The following ITPRID1 variants were observed in gnomAD, a reference collection of about 807,000 sequenced individuals.
ITPRID1 encodes protein ITPRID1.
A neutral mutation model predicts 95.4 loss-of-function variants in ITPRID1; 96 were observed. The ratio of observed to expected loss-of-function variants is 1.01; its 90% confidence interval spans 0.85 to 1.19. The LOEUF (loss-of-function observed/expected upper bound fraction) is 1.19. ITPRID1 is among the 50% of genes most tolerant of loss of function. The pLI is 0.00. For synonymous variants in ITPRID1, 510 were observed against 453.6 expected (o/e 1.12, Z -1.58); for missense variants, 1,339 against 1,252.9 (o/e 1.07, Z -1.04).
chr7:31,542,078 T>C (rs1345346509), intron 1 of ITPRID1, among the ~76,000 whole-genome samples: 1 of 152,294 alleles, frequency 6.6e-6, no homozygotes, highest in East Asian at 1.9e-4. Context: ...TGCCTCCTTA[T>C]AATCTTCTTA....
intron 2 of ITPRID1, chr7:31,551,839 GAAGT>G (rs1488789478): frequency 7.7e-6 from 3 of 390,620 alleles, no homozygotes; most frequent in South Asian, 3.7e-5. Flanking sequence ...AAATGCTACT[GAAGT>G]AAGTGTTTGG....
chr7:31,565,225 A>C (rs1438110025), intron 5 of ITPRID1, among the ~76,000 whole-genome samples: 2 of 152,188 alleles, frequency 1.3e-5, no homozygotes, highest in Admixed American at 6.5e-5. Flanking sequence ...GGACCCTGGG[A>C]GCCCAGAACA....
At chr7:31,517,205 G>GCAGAGAGCTGATTGGTCCATTTTA (rs1262381003) in intron 1 of ITPRID1, among the ~76,000 whole-genome samples, 2 of 152,124 alleles carry the variant, frequency 1.3e-5, no homozygotes, top group Non-Finnish European at 2.9e-5. Context: ...GGTCCATTTT[G>GCAGAGAGCTGATTGGTCCATTTTA]CAGAGAGCTG....
At chr7:31,526,010 A>G (rs1395441489) in intron 1 of ITPRID1, among the ~76,000 whole-genome samples, 2 of 152,186 alleles carry the variant, frequency 1.3e-5, no homozygotes, top group African/African-American at 2.4e-5. Context: ...TGAAAGGAAG[A>G]AAAGCTTACC....
chr7:31,518,461 A>C (rs1365468609), intron 1 of ITPRID1: 1 of 152,386 alleles, frequency 6.6e-6, no homozygotes. Context: ...ATCAGGGTCC[A>C]CGGGGAATAG....
intron 1 of ITPRID1, among the ~76,000 whole-genome samples, chr7:31,522,202 A>T (rs1164210096): frequency 6.6e-6 from 1 of 152,022 alleles, no homozygotes; most frequent in Non-Finnish European, 1.5e-5. Flanking sequence ...AATGGGTCTG[A>T]CTCTACCTAT....
Position 31,519,620 on chromosome 7 carries a change from C to CTCTCTATATATATATA in ITPRID1, c.-98+5501_-98+5502insCTCTATATATATATAT. ...TCTCTCTCTCTCTCTCTCTCTCTCT[C>CTCTCTATATATATATA]TATATATATATATATATATATATAT... On this transcript the variant is annotated intron_variant, in intron 1 of 14. Transcript: ENST00000615280. 1.9e-3 allele frequency among the ~76,000 whole-genome samples: 48 copies of CTCTCTATATATATATA among 25,250 alleles called. 1 individual carries two copies. Among genetic ancestry groups the CTCTCTATATATATATA allele is most frequent in the Non-Finnish European group, 2.8e-3 (38 of 13,716 alleles). The allele number at this position is 25,250 out of a possible 152,430, so 16.6% of individuals were successfully genotyped here.
chr7:31,543,318 T>C (rs1783989393), intron 1 of ITPRID1, among the ~76,000 whole-genome samples: 1 of 152,002 alleles, frequency 6.6e-6, no homozygotes, highest in African/African-American at 2.4e-5. Flanking sequence ...GCACTAAAAG[T>C]GGCAAGACAG....
At chr7:31,578,629 G>A (rs548239381) in intron 9 of ITPRID1, among the ~76,000 whole-genome samples, 195 bp downstream of exon 9, 16 of 152,288 alleles carry the variant, frequency 1.1e-4, no homozygotes, top group African/African-American at 3.8e-4. Context: ...ACCAGCCTCT[G>A]CTTGCTCCAG....
chr7:31,587,609 T>C (rs1785674430), intron 10 of ITPRID1, among the ~76,000 whole-genome samples: 1 of 150,688 alleles, frequency 6.6e-6, no homozygotes, highest in Non-Finnish European at 1.5e-5. Context: ...AAGCTACCAA[T>C]GCCTTTCTTC....
intron 10 of ITPRID1, among the ~76,000 whole-genome samples, chr7:31,610,202 C>G (rs1166503477): frequency 6.6e-6 from 1 of 151,572 alleles, no homozygotes; most frequent in South Asian, 2.1e-4. Flanking sequence ...TATGGTCTAT[C>G]CTGCTTGGAG....
chr7:31,637,583 T>A (rs761442657), intron 10 of ITPRID1, among the ~76,000 whole-genome samples: 4 of 150,376 alleles, frequency 2.7e-5, no homozygotes, highest in Admixed American at 6.6e-5. Context: ...TTGATGGGGT[T>A]GTTTGTTTTT....
chr7:31,561,414 A>T (rs768570677), intron 5 of ITPRID1, among the ~76,000 whole-genome samples: 66 of 151,768 alleles, frequency 4.3e-4, no homozygotes, highest in Non-Finnish European at 2.5e-4. Context: ...TTGTTCTGAG[A>T]CTTCTCCACT....
At chr7:31,592,729 C>T (rs928656319) in intron 10 of ITPRID1, among the ~76,000 whole-genome samples, 5 of 152,126 alleles carry the variant, frequency 3.3e-5, no homozygotes, top group East Asian at 1.9e-4. Context: ...GCCCATTCAC[C>T]GCTCACCTCC....
At position 31,652,918 on chromosome 7, in the gene ITPRID1, G is replaced by T. The variant is rs1791094035; in HGVS notation, c.*89G>T. 1.1e-5 allele frequency: 17 copies of T among 1,535,922 alleles called. No individual in the cohort carries two copies. Among genetic ancestry groups the T allele is most frequent in the Non-Finnish European group, 1.4e-5 (16 of 1,141,908 alleles). On this transcript the variant is annotated 3_prime_UTR_variant, in exon 15 of 15. Coordinates refer to ENST00000615280, the MANE Select transcript of ITPRID1 (RefSeq NM_001257967.3). ...ATTTCAATTTTCCCCAAGGAGAAGGGTCTGCCAACCCATTGTCAGCTATAT... is the reference window on the plus strand; with the variant it reads ...ATTTCAATTTTCCCCAAGGAGAAGGTTCTGCCAACCCATTGTCAGCTATAT...
chr7:31,518,708 C>T (rs947650070), intron 1 of ITPRID1, among the ~76,000 whole-genome samples: 2 of 152,166 alleles, frequency 1.3e-5, no homozygotes, highest in African/African-American at 4.8e-5. Context: ...AAAAACAATT[C>T]TAACAAGGTC....
intron 8 of ITPRID1, among the ~76,000 whole-genome samples, chr7:31,576,779 C>T (rs1785199634): frequency 1.3e-5 from 2 of 152,210 alleles, no homozygotes; most frequent in African/African-American, 2.4e-5. Context: ...TCCTTGCCCA[C>T]TTATGTGGTC....
At position 31,608,799 on chromosome 7, in the gene ITPRID1, T is replaced by G. The variant is rs573526068; in HGVS notation, c.1228+25608T>G. On this transcript the variant is annotated intron_variant, in intron 10 of 14. Coordinates refer to ENST00000615280, the MANE Select transcript of ITPRID1 (RefSeq NM_001257967.3). ...AGACCATATTATCTGCAAGTAGAGA[T>G]AGTTTTACTTCTTCCTTTGATTCTG... is the stretch of plus-strand genomic sequence containing the variant. 1.4e-4 allele frequency among the ~76,000 whole-genome samples: 21 copies of G among 151,754 alleles called. 2 individuals are homozygous for G. The highest frequency in any genetic ancestry group is 5.9e-5 in the Non-Finnish European group (4 of 67,680).
chr7:31,644,330 C>T (rs1342707149), intron 12 of ITPRID1, among the ~76,000 whole-genome samples: 2 of 152,160 alleles, frequency 1.3e-5, no homozygotes, highest in Admixed American at 1.3e-4. Context: ...TATAATCTTG[C>T]ACAAGCCATT....
Sources: allele counts gnomAD v4.1 joint callset (sites outside exome capture counted in the v4.1 genomes callset), GRCh38; gene constraint gnomAD v4.1.1; transcripts MANE v1.5; gene names NCBI Gene and HGNC (gene_info 2026-07-23, HGNC 2026-07-21).